Variants in CMTR1 observed in about 807,000 individuals in gnomAD.
CMTR1 encodes the protein cap methyltransferase 1, also known as cap-specific mRNA (nucleoside-2'-O-)-methyltransferase 1.
In CMTR1, 39 loss-of-function variants were observed where a neutral mutation model predicts 107.0. The observed-to-expected ratio is 0.36, with a 90% CI of 0.28 to 0.48. CMTR1 has a LOEUF of 0.48. Among genes scored for constraint, CMTR1 ranks in the 20% least tolerant of loss-of-function variants. The probability of loss-of-function intolerance (pLI) is 0.99; values close to 1 mark genes in which losing one functional copy is unlikely to be tolerated. For missense variants in CMTR1, 672 were observed against 1,064.9 expected, an observed-to-expected ratio of 0.63 and a Z score of 5.14; for synonymous variants, 366 against 379.5, an observed-to-expected ratio of 0.96 and a Z score of 0.41.
chr6:37,428,657 C>T (rs1771325975), upstream of CMTR1, among the ~76,000 whole-genome samples: 1 of 152,074 alleles, frequency 6.6e-6, no homozygotes, highest in Non-Finnish European at 1.5e-5. Context: ...GGCGTTTCAC[C>T]ATGTTGGCCA....
intron 5 of CMTR1, 140 bp from the exon 6 acceptor site, chr6:37,451,666 C>T: frequency 1.6e-6 from 1 of 623,460 alleles, no homozygotes; most frequent in South Asian, 1.9e-5. Context: ...TTTCTCTTTC[C>T]CACCCTTCAG....
At position 37,458,527 on chromosome 6, in the gene CMTR1, T is replaced by A; in HGVS notation, c.778-85T>A. Reference sequence around the variant, plus strand: ...TGGATTGTACTTGCCGAAAGGCTTATTTTACTCTCCCTGCATTCTCCTTCC... The same window carrying A: ...TGGATTGTACTTGCCGAAAGGCTTAATTTACTCTCCCTGCATTCTCCTTCC... On this transcript the variant is annotated intron_variant, in intron 8 of 23. Coordinates refer to ENST00000373451, the MANE Select transcript of CMTR1 (RefSeq NM_015050.3). The surrounding 1 kb of genome is among the most constrained non-coding windows in gnomAD (Gnocchi z 4.7). The A allele has an allele frequency of 7.3e-7, 1 of 1,363,092 alleles. No individual in the cohort carries two copies. 84.4% of individuals were successfully genotyped at this position (1,363,092 alleles called of 1,614,324 possible).
chr6:37,449,373 A>G (rs1302327728), intron 4 of CMTR1, among the ~76,000 whole-genome samples: 5 of 152,086 alleles, frequency 3.3e-5, no homozygotes, highest in Admixed American at 6.6e-5. Flanking sequence ...CAGTGGCGCA[A>G]TCTCGGCTCA....
chr6:37,429,489 A>C (rs1046082444), upstream of CMTR1, among the ~76,000 whole-genome samples: 1 of 152,242 alleles, frequency 6.6e-6, no homozygotes, highest in African/African-American at 2.4e-5. Flanking sequence ...CCAAACCAGT[A>C]AAGTTTCAGA....
At chr6:37,450,445 G>A (rs2113871863) in intron 5 of CMTR1, 102 bp downstream of exon 5, 2 of 833,168 alleles carry the variant, frequency 2.4e-6, no homozygotes, top group East Asian at 2.6e-5. Flanking sequence ...AGAAAAATGT[G>A]AATCTGACCA....
At chr6:37,475,096 T>G (rs1761709337) in intron 18 of CMTR1, among the ~76,000 whole-genome samples, 1 of 152,164 alleles carries the variant, frequency 6.6e-6, no homozygotes, top group African/African-American at 2.4e-5. Context: ...GGTTTGAGGT[T>G]CAAGGGGCCT....
intron 1 of CMTR1, among the ~76,000 whole-genome samples, chr6:37,435,061 T>G (rs1027388238): frequency 4.6e-5 from 7 of 152,212 alleles, no homozygotes; most frequent in African/African-American, 1.7e-4. Flanking sequence ...TTCCATTCCC[T>G]ACTCTGCTTA....
intron 13 of CMTR1, among the ~76,000 whole-genome samples, chr6:37,466,728 G>A (rs963917785): frequency 1.3e-5 from 2 of 152,138 alleles, no homozygotes; most frequent in African/African-American, 4.8e-5. Flanking sequence ...ATTAGAAAGT[G>A]TGAGTTCTCC....
intron 8 of CMTR1, among the ~76,000 whole-genome samples, chr6:37,453,513 G>A (rs545334996): frequency 9.1e-4 from 138 of 152,260 alleles, no homozygotes; most frequent in African/African-American, 3.2e-3. Context: ...CTTCAGTCCT[G>A]GAATCCGAGC....
In CMTR1 at chr6:37,481,307, C is replaced by T. The variant is rs142196471; in HGVS notation, c.*1162C>T. The T allele has an allele frequency of 1.2e-5, 14 of 1,212,786 alleles. No individual in the cohort carries two copies. In the African/African-American group the frequency reaches 2.2e-4, roughly 19 times the overall value. 75.1% of individuals were successfully genotyped at this position (1,212,786 alleles called of 1,614,324 possible). A position where few individuals can be genotyped will look rare whatever the true frequency, so the allele number is the denominator to read the frequency against. ...GCTCCCTAGGGCCCCATCCCAGTGC[C>T]AGGCTGGTTTCCATGGAGATAGGGC... is the stretch of plus-strand genomic sequence containing the variant. On this transcript the variant is annotated 3_prime_UTR_variant, in exon 24 of 24. Coordinates refer to ENST00000373451, the MANE Select transcript of CMTR1 (RefSeq NM_015050.3).
At chr6:37,470,123 TCTTC>T (rs1761591697) in intron 13 of CMTR1, among the ~76,000 whole-genome samples, 5 of 152,040 alleles carry the variant, frequency 3.3e-5, no homozygotes, top group Admixed American at 2.6e-4. Context: ...TTGCTGAAAA[TCTTC>T]ACCTTTTTAT....
At chr6:37,466,385 C>T (rs891378885) in intron 13 of CMTR1, among the ~76,000 whole-genome samples, 3 of 152,088 alleles carry the variant, frequency 2.0e-5, no homozygotes, top group Admixed American at 6.5e-5. Flanking sequence ...CCTCCTGCCT[C>T]GGCCTCCCAA....
chr6:37,468,923 A>C (rs1329449045), intron 13 of CMTR1, among the ~76,000 whole-genome samples: 1 of 141,862 alleles, frequency 7.0e-6, no homozygotes, highest in Non-Finnish European at 1.5e-5. Context: ...ATGTATTTAG[A>C]CTGGGCATGG....
At chr6:37,479,301 ACTC>A in intron 23 of CMTR1, 46 bp downstream of exon 23, 1 of 1,284,162 alleles carries the variant, frequency 7.8e-7, no homozygotes, top group Non-Finnish European at 1.1e-6. Flanking sequence ...AGCCTCAAGT[ACTC>A]CTGCAGGATG....
At chr6:37,427,208 A>G in the CMTR1 span, among the ~76,000 whole-genome samples, 1 of 151,508 alleles carries the variant, frequency 6.6e-6, no homozygotes, top group Non-Finnish European at 1.5e-5. This position sits in a 1 kb window ranked among gnomAD's most constrained non-coding sequence, Gnocchi z 4.4. Context: ...CCCTTATTAG[A>G]CTCCGGAGTC....
chr6:37,473,672 C>T (rs956506736), intron 17 of CMTR1, 71 bp downstream of exon 17: 15 of 1,539,758 alleles, frequency 9.7e-6, no homozygotes, highest in African/African-American at 1.4e-5. Context: ...TGGACAGCTG[C>T]CTGCCACACT....
chr6:37,446,188 C>CATCT, intron 3 of CMTR1, 103 bp from the exon 4 acceptor site: 1 of 1,231,782 alleles, frequency 8.1e-7, no homozygotes, highest in Non-Finnish European at 1.1e-6. Context: ...AGACTTTAAT[C>CATCT]ATCTATTTTT....
At chr6:37,467,098 T>C (rs902577984) in intron 13 of CMTR1, among the ~76,000 whole-genome samples, 1 of 152,054 alleles carries the variant, frequency 6.6e-6, no homozygotes, top group Non-Finnish European at 1.5e-5. Flanking sequence ...ACTCAGAAGG[T>C]AGAGGTTGCA....
upstream of CMTR1, among the ~76,000 whole-genome samples, chr6:37,430,700 A>G (rs1023594199): frequency 6.6e-6 from 1 of 152,098 alleles, no homozygotes; most frequent in Admixed American, 6.6e-5. Context: ...ATGTATCTTA[A>G]TTTGCATTTG....
Sources: allele counts gnomAD v4.1 joint callset (sites outside exome capture counted in the v4.1 genomes callset), GRCh38; gene constraint gnomAD v4.1.1; non-coding constraint Gnocchi (gnomAD v3.1); transcripts MANE v1.5; gene names NCBI Gene and HGNC (gene_info 2026-07-23, HGNC 2026-07-21).